ZSCAN29: variants seen among roughly 807,000 people sequenced by gnomAD.
The protein encoded by ZSCAN29 is zinc finger and SCAN domain-containing protein 29.
In ZSCAN29, 55 loss-of-function variants were observed where a neutral mutation model predicts 71.9. That is an observed-to-expected ratio of 0.76 (90% confidence interval 0.62 to 0.96). The LOEUF is 0.96. Ranked by LOEUF, ZSCAN29 falls within the 40% of genes least tolerant of loss-of-function variation. ZSCAN29 has a pLI of 0.00. For missense variants in ZSCAN29, 1,042 were observed against 1,042.2 expected (o/e 1.00, Z 0.00); for synonymous variants, 351 against 371.6 (o/e 0.94, Z 0.64).
At chr15:43,367,217 GTTCTAAAGGTGTTCACCTTAGTAGTCC>G (rs2044048746) in intron 3 of ZSCAN29, among the ~76,000 whole-genome samples, 1 of 152,128 alleles carries the variant, frequency 6.6e-6, no homozygotes, top group African/African-American at 2.4e-5. Flanking sequence ...CAGTCACCAG[GTTCTAAAGGTGTTCACCTTAGTAGTCC>G]TTCCTCTCTA....
chr15:43,368,898 C>T, intron 3 of ZSCAN29, 25 bp downstream of exon 3: 1 of 1,549,818 alleles, frequency 6.5e-7, no homozygotes, highest in Non-Finnish European at 8.7e-7. Flanking sequence ...GGCAGTCTAT[C>T]TTCCCATATG....
intron 4 of ZSCAN29, 73 bp downstream of exon 4, chr15:43,366,037 C>T (rs950813133): frequency 4.1e-6 from 6 of 1,462,324 alleles, no homozygotes; most frequent in South Asian, 2.7e-5. Context: ...TGACATTAAG[C>T]CTTCTGACTC....
Position 43,361,174 on chromosome 15 carries a change from A to G in ZSCAN29, c.2458T>C (p.Cys820Arg). The change falls in exon 6 of 6, where the codon TGT becomes CGT. Residue 820 changes from cysteine to arginine, a missense_variant. Transcript: ENST00000684362. ...CTGAAGCACTTACCACAGTCATGAC[A>G]CCCATAGGGTTTCTCTCCTGTGTGG... Reference protein sequence around the residue: ...RTHTGEKPYGCHDCGKCFSKS... With the variant: ...RTHTGEKPYGRHDCGKCFSKS... 1.2e-6 allele frequency: 2 copies of G among 1,614,120 alleles called. 1 individual carries two copies. The highest frequency in any genetic ancestry group is 2.2e-5 in the South Asian group (2 of 91,082).
chr15:43,361,330 C>T lies in ZSCAN29; in HGVS notation c.2302G>A (p.Gly768Arg). The change falls in exon 6 of 6, where the codon GGA becomes AGA. Residue 768 changes from glycine to arginine, a missense_variant. Gly to Arg is a moderately radical substitution (Grantham distance 125, BLOSUM62 -2). Coordinates refer to ENST00000684362, the MANE Select transcript of ZSCAN29 (RefSeq NM_001372080.1). ...TGAGAACTGTTATTGAAGCTTTTTC[C>T]ACACTCTTCACATTGATAGGGCTTT... ...GEKPYQCEEC[G>R]KSFNNSSHFS... The T allele has an allele frequency of 6.2e-7, 1 of 1,614,124 alleles. No individual in the cohort carries two copies. Among genetic ancestry groups the T allele is most frequent in the Non-Finnish European group, 8.5e-7 (1 of 1,180,012 alleles).
intron 3 of ZSCAN29, among the ~76,000 whole-genome samples, chr15:43,368,509 G>C (rs1407261350): frequency 2.8e-5 from 1 of 35,770 alleles, no homozygotes; most frequent in Non-Finnish European, 3.5e-5. Context: ...CTGGGCGACA[G>C]AGCGAGACTC....
At chr15:43,364,525 T>A (rs779159350) in intron 4 of ZSCAN29, 143 bp from the exon 5 acceptor site, 1 of 789,672 alleles carries the variant, frequency 1.3e-6, no homozygotes, top group South Asian at 1.5e-5. Context: ...GTTTCCAAAA[T>A]CCACAAACTC....
In ZSCAN29 at chr15:43,361,473, T is replaced by C; in HGVS notation, c.2159A>G (p.Asn720Ser). The change falls in exon 6 of 6, where the codon AAT becomes AGT. Residue 720 changes from asparagine (N) to serine (S), a missense_variant. By Grantham distance (46) the Asn-to-Ser change is conservative (BLOSUM62 1). Transcript: ENST00000684362. Reference sequence around the variant, plus strand: ...GTGGATTCTCCTATGGGTGATGAAATTTGAACTGTCACGGAAACTTTTTCC... The same window carrying C: ...GTGGATTCTCCTATGGGTGATGAAACTTGAACTGTCACGGAAACTTTTTCC... ...DCGKSFRDSS[N>S]FITHRRIHTG... is the part of the protein sequence containing the mutation. The C allele has an allele frequency of 6.2e-7, 1 of 1,613,536 alleles. No homozygotes were observed. The highest frequency in any genetic ancestry group is 1.1e-5 in the South Asian group (1 of 91,072).
In ZSCAN29 at chr15:43,366,700, A is replaced by T; in HGVS notation, c.632T>A (p.Ile211Lys). 6.2e-7 allele frequency: 1 copy of T among 1,614,196 alleles called. No homozygotes were observed. The highest frequency in any genetic ancestry group is 8.5e-7 in the Non-Finnish European group (1 of 1,180,010). Residue 211 changes from isoleucine to lysine, a missense_variant, in exon 4 of 6, where the codon ATA becomes AAA. Physicochemically the swap from Ile to Lys is moderately radical, Grantham distance 102. Coordinates refer to ENST00000684362, the MANE Select transcript of ZSCAN29 (RefSeq NM_001372080.1). ...ATCAGCATGCACTCGTCTGTCTCCTATGTGGCTGCCACTTGGAAGTTCTTT... is the reference window on the plus strand; with the variant it reads ...ATCAGCATGCACTCGTCTGTCTCCTTTGTGGCTGCCACTTGGAAGTTCTTT... ...KEKELPSGSH[I>K]GDRRVHADLL...
chr15:43,361,329 C>T lies in ZSCAN29; in HGVS notation c.2303G>A (p.Gly768Glu). Reference protein sequence around the residue: ...GEKPYQCEECGKSFNNSSHFS... With the variant: ...GEKPYQCEECEKSFNNSSHFS... ...ATGAGAACTGTTATTGAAGCTTTTTCCACACTCTTCACATTGATAGGGCTT... is the reference window on the plus strand; with the variant it reads ...ATGAGAACTGTTATTGAAGCTTTTTTCACACTCTTCACATTGATAGGGCTT... The change falls in exon 6 of 6, where the codon GGA becomes GAA. Residue 768 changes from glycine to glutamate, a missense_variant. Physicochemically the swap from Gly to Glu is moderately conservative, Grantham distance 98. Coordinates refer to ENST00000684362, the MANE Select transcript of ZSCAN29 (RefSeq NM_001372080.1). 7 of 1,614,128 alleles carry T rather than the reference C, an allele frequency of 4.3e-6. No homozygotes were observed. Among genetic ancestry groups the T allele is most frequent in the Non-Finnish European group, 5.9e-6 (7 of 1,180,020 alleles).
Position 43,363,994 on chromosome 15 carries a change from A to G in ZSCAN29, c.1611T>C (p.Ser537=). ...TCTCAGTATCCTCTTCATCATCATC[A>G]GAATCTTCCTCTGTGGCCTCGTCTG... ...EEADEATEED[S]DDDEEDTEIP... is the part of the protein sequence containing the mutation. The change falls in exon 5 of 6, where the codon TCT becomes TCC. Residue 537 remains serine (S), a synonymous_variant. Coordinates refer to ENST00000684362, the MANE Select transcript of ZSCAN29 (RefSeq NM_001372080.1). 1.2e-6 allele frequency: 2 copies of G among 1,614,198 alleles called. No homozygotes were observed. The highest frequency in any genetic ancestry group is 1.7e-6 in the Non-Finnish European group (2 of 1,180,036).
chr15:43,366,326 T>C lies in ZSCAN29; in HGVS notation c.1006A>G (p.Ile336Val). 6.2e-7 allele frequency: 1 copy of C among 1,613,312 alleles called. No individual in the cohort carries two copies. Among genetic ancestry groups the C allele is most frequent in the Non-Finnish European group, 8.5e-7 (1 of 1,180,024 alleles). ...TCCAGGCCATTACTGGGCAGGGCAA[T>C]GACCTGAGCACTCATCAGGGCTTCC... is the stretch of plus-strand genomic sequence containing the variant. The part of the protein sequence containing the change: ...EMEALMSAQV[I>V]ALPSNGLEAA... The change falls in exon 4 of 6, where the codon ATT (isoleucine) becomes GTT (valine). Residue 336 changes from isoleucine (I) to valine (V), a missense_variant. Coordinates refer to ENST00000684362, the MANE Select transcript of ZSCAN29 (RefSeq NM_001372080.1).
intron 3 of ZSCAN29, among the ~76,000 whole-genome samples, chr15:43,367,046 TCAGAG>T (rs1382604250): frequency 6.6e-6 from 1 of 152,220 alleles, no homozygotes. Context: ...TGTTGTGTGT[TCAGAG>T]CAGATAATTC....
chr15:43,366,438 A>T lies in ZSCAN29; in HGVS notation c.894T>A (p.Cys298Ter). 4 of 1,614,144 alleles carry T rather than the reference A, an allele frequency of 2.5e-6. No homozygotes were observed. Among genetic ancestry groups the T allele is most frequent in the Non-Finnish European group, 3.4e-6 (4 of 1,180,018 alleles). The change falls in exon 4 of 6, where the codon TGT (cysteine) becomes TGA (stop). Residue 298 changes from cysteine (C) to a stop codon, truncating the protein, a stop_gained. Coordinates refer to ENST00000684362, the MANE Select transcript of ZSCAN29 (RefSeq NM_001372080.1). LOFTEE classifies it high-confidence loss of function. ...EYGFLRTLEQ[C>*]RTKFKGLQKS... ...TCTGGAGACCTTTGAACTTGGTCCGACACTGTTCCAGGGTCCGGAGGAAGC... is the reference window on the plus strand; with the variant it reads ...TCTGGAGACCTTTGAACTTGGTCCGTCACTGTTCCAGGGTCCGGAGGAAGC...
At position 43,369,988 on chromosome 15, in the gene ZSCAN29, G is replaced by A. The variant is rs1877389365; in HGVS notation, c.-75C>T. 2 of 1,426,314 alleles carry A rather than the reference G, an allele frequency of 1.4e-6. No individual in the cohort carries two copies. Among genetic ancestry groups the A allele is most frequent in the African/African-American group, 2.8e-5 (2 of 70,362 alleles). The allele number at this position is 1,426,314 out of a possible 1,614,324, so 88.4% of individuals were successfully genotyped here. A position where few individuals can be genotyped will look rare whatever the true frequency, so the allele number is the denominator to read the frequency against. On this transcript the variant is annotated 5_prime_UTR_variant, in exon 2 of 6. Transcript: ENST00000684362. The stretch of plus-strand genomic sequence containing the variant: ...TTACATCTATCTTCCCATGTCCTTG[G>A]AGAATCCCCTGCAGATGACTGTAAG...
Position 43,363,984 on chromosome 15 carries a change from C to A in ZSCAN29, c.1621G>T (p.Glu541Ter). 1 of 1,614,162 alleles carries A rather than the reference C, an allele frequency of 6.2e-7. No homozygotes were observed. Among genetic ancestry groups the A allele is most frequent in the African/African-American group, 1.3e-5 (1 of 75,054 alleles). ...EATEEDSDDD[E>*]EDTEIPPGAV... ...CCTGGGGGTATCTCAGTATCCTCTT[C>A]ATCATCATCAGAATCTTCCTCTGTG... The change falls in exon 5 of 6, where the codon GAA (glutamate) becomes TAA (stop). Residue 541 changes from glutamate (E) to a stop codon, truncating the protein, a stop_gained. Transcript: ENST00000684362. LOFTEE classifies it high-confidence loss of function.
At position 43,360,515 on chromosome 15, in the gene ZSCAN29, A is replaced by AGG. The variant is rs1380508672; in HGVS notation, c.*557_*558insCC. On this transcript the variant is annotated 3_prime_UTR_variant, in exon 6 of 6. Coordinates refer to ENST00000684362, the MANE Select transcript of ZSCAN29 (RefSeq NM_001372080.1). Reference sequence around the variant, plus strand: ...CTGGGCATGGTGGCGCATGCTTGTAATTCCAGCCACTTGGGAGGCTGAGGC... The same window carrying AGG: ...CTGGGCATGGTGGCGCATGCTTGTAAGGTTCCAGCCACTTGGGAGGCTGAGGC... 6.6e-6 allele frequency: 1 copy of AGG among 152,392 alleles called. No individual in the cohort carries two copies. Among genetic ancestry groups the AGG allele is most frequent in the East Asian group, 1.9e-4 (1 of 5,206 alleles). 9.4% of individuals were successfully genotyped at this position (152,392 alleles called of 1,614,324 possible).
intron 4 of ZSCAN29, among the ~76,000 whole-genome samples, chr15:43,364,992 CAACA>C (rs1167740727): frequency 5.3e-5 from 8 of 150,124 alleles, no homozygotes; most frequent in Non-Finnish European, 1.5e-5. Context: ...TTTGTGTCTG[CAACA>C]AAAAAGGAAA....
At chr15:43,368,880 C>G in intron 3 of ZSCAN29, 43 bp downstream of exon 3, 1 of 1,521,074 alleles carries the variant, frequency 6.6e-7, no homozygotes. Context: ...TACTTCCCAA[C>G]TTGGAATGGC....
In ZSCAN29 at chr15:43,369,577, A is replaced by AT. The variant is rs1198569707; in HGVS notation, c.318+18dup. 1.9e-6 allele frequency: 3 copies of AT among 1,600,550 alleles called. No individual in the cohort carries two copies. The African/African-American group carries it at 4.0e-5, about 21-fold the overall frequency. Reference sequence around the variant, plus strand: ...CCCAGTATCACACTTTTGAATTTGAATTCCCCCTCCCTTCTCACCGAAGAT... The same window carrying AT: ...CCCAGTATCACACTTTTGAATTTGAATTTCCCCCTCCCTTCTCACCGAAGAT... On this transcript the variant is annotated intron_variant, in intron 2 of 5. Coordinates refer to ENST00000684362, the MANE Select transcript of ZSCAN29 (RefSeq NM_001372080.1).
Sources: allele counts gnomAD v4.1 joint callset (sites outside exome capture counted in the v4.1 genomes callset), GRCh38; gene constraint gnomAD v4.1.1; transcripts MANE v1.5; gene names NCBI Gene and HGNC (gene_info 2026-07-23, HGNC 2026-07-21).